Variants in KCTD14 observed in about 807,000 individuals in gnomAD.
KCTD14 encodes potassium channel tetramerization domain containing 14.
KCTD14 carries 7 observed loss-of-function variants against 5.9 expected under a neutral mutation model. The observed-to-expected ratio is 1.19, with a 90% CI of 0.68 to 2.23. The LOEUF (loss-of-function observed/expected upper bound fraction) is 2.23, where lower values mean the gene tolerates loss of function less well. Among genes scored for constraint, KCTD14 ranks in the 30% most tolerant of loss-of-function variants. KCTD14 has a pLI of 0.00. For missense variants in KCTD14, 342 were observed against 332.2 expected, an observed-to-expected ratio of 1.03 and a Z score of -0.23; for synonymous variants, 140 against 133.1, an observed-to-expected ratio of 1.05 and a Z score of -0.36.
intron 1 of KCTD14, among the ~76,000 whole-genome samples, chr11:78,039,905 C>T (rs541022668): frequency 4.1e-4 from 62 of 152,166 alleles, no homozygotes; most frequent in Admixed American, 9.2e-4. Context: ...TCTTTCTTCT[C>T]TCCTTCCTTC....
upstream of KCTD14, among the ~76,000 whole-genome samples, chr11:78,024,380 C>CA (rs56296835): frequency 6.1e-3 from 749 of 123,130 alleles, 3 homozygotes; most frequent in Middle Eastern, 0.013. Flanking sequence ...GATTCCCTCT[C>CA]AAAAAAAAAA....
Position 78,015,958 on chromosome 11 carries a change from C to T in KCTD14, c.*635G>A, listed in dbSNP as rs1298468701. ...TCTCAAAATTAGAATACATCAAAAT[C>T]ACTTGGAGGGTTTGGTAAATCAGAA... On this transcript the variant is annotated 3_prime_UTR_variant, in exon 2 of 2. Coordinates refer to ENST00000353172, the MANE Select transcript of KCTD14 (RefSeq NM_023930.4). The T allele has an allele frequency of 1.3e-5, 2 of 152,290 alleles. No homozygotes were observed. Among genetic ancestry groups the T allele is most frequent in the East Asian group, 3.8e-4 (2 of 5,202 alleles). 9.4% of individuals were successfully genotyped at this position (152,290 alleles called of 1,614,324 possible).
chr11:78,017,413 G>C lies in KCTD14; in HGVS notation c.91-143C>G, dbSNP rs950151426. Reference sequence around the variant, plus strand: ...CTAGTGAAAGGCCCATCTTACTAAAGAGGGTTATATTTATGCTGTGTTGCT... The same window carrying C: ...CTAGTGAAAGGCCCATCTTACTAAACAGGGTTATATTTATGCTGTGTTGCT... On this transcript the variant is annotated intron_variant, in intron 1 of 1. Transcript: ENST00000353172. 7.3e-6 allele frequency: 8 copies of C among 1,102,176 alleles called. No homozygotes were observed. In the African/African-American group the frequency reaches 1.3e-4, roughly 17 times the overall value. 68.3% of individuals were successfully genotyped at this position (1,102,176 alleles called of 1,614,324 possible). A position where few individuals can be genotyped will look rare whatever the true frequency, so the allele number is the denominator to read the frequency against.
chr11:78,038,838 A>T (rs1174026207), intron 1 of KCTD14: 1 of 1,496,566 alleles, frequency 6.7e-7, no homozygotes, highest in Non-Finnish European at 9.0e-7. Context: ...GGCCCAGGCC[A>T]GGAGCCTGAC....
chr11:78,023,315 A>G, upstream of KCTD14: 1 of 1,517,748 alleles, frequency 6.6e-7, no homozygotes, highest in Non-Finnish European at 9.0e-7. Flanking sequence ...ACCGAGGCTC[A>G]AGGCGGGACG....
intron 1 of KCTD14, among the ~76,000 whole-genome samples, chr11:78,019,787 A>G (rs1857264849): frequency 1.3e-5 from 2 of 152,192 alleles, no homozygotes; most frequent in Non-Finnish European, 2.9e-5. Context: ...TTGGTTGTTC[A>G]ACAAAACTTT....
intron 1 of KCTD14, among the ~76,000 whole-genome samples, chr11:78,043,940 C>T (rs1225949400): frequency 3.3e-5 from 5 of 152,052 alleles, no homozygotes; most frequent in Non-Finnish European, 4.4e-5. Context: ...CAGCTGAGGC[C>T]CCAAAGGCAG....
At chr11:78,037,058 C>A (rs1204534707) in intron 2 of KCTD14, among the ~76,000 whole-genome samples, 2 of 152,192 alleles carry the variant, frequency 1.3e-5, no homozygotes, top group African/African-American at 4.8e-5. Flanking sequence ...AAAACCAGGT[C>A]CCTCTGAGCC....
At chr11:78,025,861 G>A (rs1043242455), upstream of KCTD14, among the ~76,000 whole-genome samples, 8 of 152,096 alleles carry the variant, frequency 5.3e-5, no homozygotes, top group Admixed American at 2.0e-4. Context: ...TTCTTCCAAC[G>A]AGTACAATAT....
intron 1 of KCTD14, among the ~76,000 whole-genome samples, chr11:78,040,683 T>A (rs1447165437): frequency 6.6e-6 from 1 of 152,034 alleles, no homozygotes; most frequent in Non-Finnish European, 1.5e-5. Flanking sequence ...TATTTTTTTT[T>A]TTTTGAGATG....
chr11:78,035,601 T>C (rs1017701765), intron 2 of KCTD14, among the ~76,000 whole-genome samples: 15 of 152,026 alleles, frequency 9.9e-5, no homozygotes, highest in African/African-American at 3.4e-4. Flanking sequence ...CCTAGCACTT[T>C]GGGAGGCCGA....
intron 1 of KCTD14, among the ~76,000 whole-genome samples, chr11:78,043,258 A>G (rs7123322): frequency 0.39 from 59,434 of 152,124 alleles, 12,038 homozygotes; most frequent in Non-Finnish European, 0.44. Flanking sequence ...ATTTGTTGCA[A>G]TGTTGCTTGT....
At chr11:78,042,522 A>T (rs1339285537) in intron 1 of KCTD14, among the ~76,000 whole-genome samples, 1 of 152,110 alleles carries the variant, frequency 6.6e-6, no homozygotes, top group Non-Finnish European at 1.5e-5. Flanking sequence ...AAAAAAAAAA[A>T]TAGAAGAAAG....
intron 2 of KCTD14, among the ~76,000 whole-genome samples, chr11:78,036,776 G>A (rs1181539761): frequency 5.3e-5 from 8 of 152,212 alleles, no homozygotes; most frequent in African/African-American, 1.9e-4. Context: ...CATGAGGGCA[G>A]CCAGTCTCCA....
chr11:78,027,284 G>A (rs1857494365), upstream of KCTD14, among the ~76,000 whole-genome samples: 1 of 151,926 alleles, frequency 6.6e-6, no homozygotes, highest in Non-Finnish European at 1.5e-5. Flanking sequence ...TGTAATCGCA[G>A]CACTTTGGGA....
chr11:78,016,603 G>A lies in KCTD14; in HGVS notation c.758C>T (p.Thr253Ile), dbSNP rs376620104. The change falls in exon 2 of 2, where the codon ACC becomes ATC. Residue 253 changes from threonine (T) to isoleucine (I), a missense_variant. By Grantham distance (89) the Thr-to-Ile change is moderately conservative. Coordinates refer to ENST00000353172, the MANE Select transcript of KCTD14 (RefSeq NM_023930.4). ...FHFNIYSFTF[T>I]WW ...CTCTGCTCCTGAGGATCACCACCAG[G>A]TGAAGGTGAATGAATAAATGTTAAA... 7 of 1,612,882 alleles carry A rather than the reference G, an allele frequency of 4.3e-6. No homozygotes were observed. In the African/African-American group the frequency reaches 9.3e-5, roughly 22 times the overall value.
intron 2 of KCTD14, among the ~76,000 whole-genome samples, chr11:78,037,652 C>T (rs1006315413): frequency 1.3e-5 from 2 of 152,128 alleles, no homozygotes; most frequent in East Asian, 1.9e-4. Flanking sequence ...AACCCCGTCT[C>T]TACTAAAAAT....
chr11:78,029,293 C>T (rs1021537603), intron 2 of KCTD14, among the ~76,000 whole-genome samples: 3 of 151,950 alleles, frequency 2.0e-5, no homozygotes, highest in Admixed American at 1.3e-4. Context: ...ACTATAGTTA[C>T]ACCTGCTAAG....
chr11:78,038,778 T>A, intron 1 of KCTD14: 1 of 1,535,566 alleles, frequency 6.5e-7, no homozygotes, highest in Non-Finnish European at 8.7e-7. Flanking sequence ...AAAGAGAATT[T>A]CTTAGAAGAC....
Sources: allele counts gnomAD v4.1 joint callset (sites outside exome capture counted in the v4.1 genomes callset), GRCh38; gene constraint gnomAD v4.1.1; transcripts MANE v1.5; gene names NCBI Gene and HGNC (gene_info 2026-07-23, HGNC 2026-07-21).